Variants in SLC30A9 observed in about 807,000 individuals in gnomAD.
SLC30A9 encodes the protein solute carrier family 30 member 9.
A neutral mutation model predicts 87.5 loss-of-function variants in SLC30A9; 58 were observed. The ratio of observed to expected loss-of-function variants is 0.66; its 90% CI spans 0.54 to 0.82. The LOEUF is 0.82. Ranked by LOEUF, SLC30A9 falls within the 40% of genes least tolerant of loss-of-function variation. SLC30A9 has a pLI of 0.00. For missense variants in SLC30A9, 557 were observed against 679.1 expected, an observed-to-expected ratio of 0.82 and a Z score of 2.00; for synonymous variants, 234 against 233.0, an observed-to-expected ratio of 1.00 and a Z score of -0.04.
intron 4 of SLC30A9, 103 bp from the exon 5 acceptor site, chr4:42,022,735 T>C (rs1160048484): frequency 1.3e-5 from 7 of 535,700 alleles, no homozygotes; most frequent in Non-Finnish European, 2.0e-5. Context: ...TTCTCTAAGA[T>C]GGGGATCAGT....
At chr4:42,041,459 G>A (rs1366046270) in intron 8 of SLC30A9, among the ~76,000 whole-genome samples, 1 of 152,128 alleles carries the variant, frequency 6.6e-6, no homozygotes, top group African/African-American at 2.4e-5. Context: ...TAGCAGGCCT[G>A]GTACAGGCAC....
At chr4:41,996,771 T>C (rs34567573) in intron 1 of SLC30A9, among the ~76,000 whole-genome samples, 104,181 of 151,898 alleles carry the variant, frequency 0.69, 39,714 homozygotes, top group East Asian at 0.96. Flanking sequence ...CGGTGGCTCA[T>C]GCCTGTAGTC....
intron 17 of SLC30A9, among the ~76,000 whole-genome samples, chr4:42,085,773 G>C (rs4861159): frequency 0.65 from 98,866 of 151,500 alleles, 36,743 homozygotes; most frequent in East Asian, 0.96. Context: ...CAGTGATTTT[G>C]TTTTCACCAC....
At position 42,014,576 on chromosome 4, in the gene SLC30A9, C is replaced by T. The variant is rs374600216; in HGVS notation, c.275-3535C>T. ...GTCGCAAAAAAAAAAAAAAGGAAATCGGTATATCAGAAGAGCTATCTGCAT... is the reference window on the plus strand; with the variant it reads ...GTCGCAAAAAAAAAAAAAAGGAAATTGGTATATCAGAAGAGCTATCTGCAT... On this transcript the variant is annotated intron_variant, in intron 2 of 17. Coordinates refer to ENST00000264451, the MANE Select transcript of SLC30A9 (RefSeq NM_006345.4). Among the ~76,000 whole-genome samples the T allele has an allele frequency of 1.7e-4, 25 of 147,974 alleles. No individual in the cohort carries two copies. In the East Asian group the frequency reaches 2.2e-3, roughly 13 times the overall value.
intron 6 of SLC30A9, among the ~76,000 whole-genome samples, chr4:42,030,361 G>A (rs1385831531): frequency 2.6e-5 from 4 of 152,154 alleles, no homozygotes; most frequent in Admixed American, 1.3e-4. Flanking sequence ...GCCTTGGGAT[G>A]TGCTCATTTT....
chr4:42,002,559 A>G (rs1044975089), intron 2 of SLC30A9, among the ~76,000 whole-genome samples: 20 of 152,040 alleles, frequency 1.3e-4, no homozygotes, highest in African/African-American at 4.8e-4. Flanking sequence ...TAATTTGCTT[A>G]GGATAATGGC....
intron 8 of SLC30A9, among the ~76,000 whole-genome samples, chr4:42,044,863 C>G (rs368832233): frequency 2.6e-5 from 4 of 152,144 alleles, no homozygotes; most frequent in Admixed American, 2.6e-4. Context: ...AAAACAGTCT[C>G]TCAGACCACA....
rs111773484 is a variant in SLC30A9 at position 42,065,353 on chromosome 4, T to C, written c.1072+4T>C. 44 of 1,327,742 alleles carry C rather than the reference T, an allele frequency of 3.3e-5. No homozygotes were observed. In the African/African-American group the frequency reaches 5.6e-4, roughly 17 times the overall value. The allele number at this position is 1,327,742 out of a possible 1,614,324, so 82.2% of individuals were successfully genotyped here. On this transcript the variant is annotated splice_donor_region_variant and intron_variant, in intron 12 of 17. Transcript: ENST00000264451. ...GGATCATTAGTATCTGAAGGAGGTA[T>C]GTACTGTCACAAAGTATGTCTCTAT...
chr4:42,048,233 A>G (rs1717248804), intron 8 of SLC30A9, among the ~76,000 whole-genome samples: 1 of 152,214 alleles, frequency 6.6e-6, no homozygotes, highest in Admixed American at 6.5e-5. Flanking sequence ...TAAATTTAAA[A>G]AATAAATAAA....
chr4:42,075,560 T>TG (rs755881199), intron 15 of SLC30A9, 97 bp from the exon 16 acceptor site: 2 of 1,103,156 alleles, frequency 1.8e-6, no homozygotes, highest in Admixed American at 2.3e-5. Context: ...TCGTAACTAG[T>TG]GGGGAAAAAA....
intron 8 of SLC30A9, among the ~76,000 whole-genome samples, chr4:42,046,435 C>T (rs1388968978): frequency 6.6e-6 from 1 of 152,102 alleles, no homozygotes; most frequent in Non-Finnish European, 1.5e-5. Context: ...TTCTTACATA[C>T]CAATAATAGA....
At chr4:42,021,976 C>T (rs1165272218) in intron 4 of SLC30A9, among the ~76,000 whole-genome samples, 2 of 63,184 alleles carry the variant, frequency 3.2e-5, no homozygotes, top group African/African-American at 6.6e-5. Context: ...TTGCCCAGGC[C>T]GGACTGCGGA....
intron 1 of SLC30A9, among the ~76,000 whole-genome samples, chr4:41,997,472 C>G (rs1427973685): frequency 2.0e-5 from 3 of 151,190 alleles, no homozygotes; most frequent in African/African-American, 7.3e-5. Context: ...TTTTTTAATA[C>G]AGGGAAAGTA....
At chr4:42,085,037 C>A (rs898162867) in intron 17 of SLC30A9, among the ~76,000 whole-genome samples, 1 of 152,180 alleles carries the variant, frequency 6.6e-6, no homozygotes, top group African/African-American at 2.4e-5. Context: ...TTTTTAACAA[C>A]CTGATTTCTG....
chr4:42,070,605 T>C lies in SLC30A9; in HGVS notation c.1332T>C (p.Thr444=). 6.2e-7 allele frequency: 1 copy of C among 1,614,056 alleles called. No homozygotes were observed. Among genetic ancestry groups the C allele is most frequent in the Non-Finnish European group, 8.5e-7 (1 of 1,179,952 alleles). Residue 444 remains threonine, a synonymous_variant, in exon 15 of 18, where the codon ACT becomes ACC. Coordinates refer to ENST00000264451, the MANE Select transcript of SLC30A9 (RefSeq NM_006345.4). ...LGMVSAFLIY[T]NTEALLGRSI... The stretch of plus-strand genomic sequence containing the variant: ...TGGTCTCAGCATTCCTCATCTACAC[T>C]AACACAGAAGCACTCTTAGGGCGGT...
intron 3 of SLC30A9, 40 bp from the exon 4 acceptor site, chr4:42,020,376 C>T (rs1402253631): frequency 1.1e-6 from 1 of 946,522 alleles, no homozygotes; most frequent in East Asian, 2.6e-5. Flanking sequence ...ATGTGACTTT[C>T]AATGTGCATA....
At chr4:42,051,662 G>T (rs1344137617) in intron 9 of SLC30A9, among the ~76,000 whole-genome samples, 2 of 152,126 alleles carry the variant, frequency 1.3e-5, no homozygotes, top group African/African-American at 4.8e-5. Context: ...AAAACAGTCA[G>T]TGAACCTGAA....
intron 11 of SLC30A9, among the ~76,000 whole-genome samples, chr4:42,064,763 T>A (rs925287767): frequency 1.3e-5 from 2 of 152,216 alleles, no homozygotes; most frequent in African/African-American, 4.8e-5. Flanking sequence ...TGGCCCTTTT[T>A]AAAATAGTGT....
chr4:42,018,120 T>A lies in SLC30A9; in HGVS notation c.284T>A (p.Ile95Lys). Residue 95 changes from isoleucine (I) to lysine (K), a missense_variant, in exon 3 of 18, where the codon ATA becomes AAA. This residue lies in a region of SLC30A9 where 467 missense variants were observed against 529.8 expected (regional missense o/e 0.88). Coordinates refer to ENST00000264451, the MANE Select transcript of SLC30A9 (RefSeq NM_006345.4). Reference protein sequence around the residue: ...KVPSFETAEGIGTELKAPLKQ... With the variant: ...KVPSFETAEGKGTELKAPLKQ... ...TTAATAAACTTTACAGCAGAAGGTATAGGCACAGAACTCAAAGCTCCACTT... is the reference window on the plus strand; with the variant it reads ...TTAATAAACTTTACAGCAGAAGGTAAAGGCACAGAACTCAAAGCTCCACTT... The A allele has an allele frequency of 1.3e-6, 2 of 1,545,558 alleles. No individual in the cohort carries two copies. The highest frequency in any genetic ancestry group is 2.3e-5 in the South Asian group (2 of 88,278).
Sources: allele counts gnomAD v4.1 joint callset (sites outside exome capture counted in the v4.1 genomes callset), GRCh38; gene constraint gnomAD v4.1.1; regional missense constraint gnomAD v4.1.1; transcripts MANE v1.5; gene names NCBI Gene and HGNC (gene_info 2026-07-23, HGNC 2026-07-21).